The following RBFOX1 variants were observed in gnomAD, a reference collection of about 807,000 sequenced individuals.
RBFOX1 encodes RNA binding protein fox-1 homolog 1.
RBFOX1 carries 8 observed loss-of-function variants against 57.7 expected under a neutral mutation model. That is an observed-to-expected ratio of 0.14 (90% CI 0.08 to 0.25). The LOEUF is 0.25. Among genes scored for constraint, RBFOX1 ranks in the 10% least tolerant of loss-of-function variants. The pLI, the probability that RBFOX1 is intolerant of heterozygous loss-of-function variation, is 1.00. For synonymous variants in RBFOX1, 326 were observed against 222.4 expected (o/e 1.47, Z -4.15); for missense variants, 611 against 548.5 (o/e 1.11, Z -1.14).
intron 1 of RBFOX1, among the ~76,000 whole-genome samples, chr16:5,413,404 A>G (rs570802786): frequency 6.6e-6 from 1 of 152,342 alleles, no homozygotes; most frequent in South Asian, 2.1e-4. Flanking sequence ...TGCAGCATCC[A>G]ATACATATCC....
intron 4 of RBFOX1, among the ~76,000 whole-genome samples, chr16:7,268,345 C>T (rs2095227888): frequency 6.6e-6 from 1 of 152,156 alleles, no homozygotes; most frequent in East Asian, 1.9e-4. Flanking sequence ...AACCAAGGAA[C>T]AGGCTGCTGA....
chr16:5,290,356 A>T (rs2063503660), intron 1 of RBFOX1, among the ~76,000 whole-genome samples: 1 of 152,066 alleles, frequency 6.6e-6, no homozygotes, highest in Non-Finnish European at 1.5e-5. Context: ...ACTCTATCTC[A>T]AAAAAAGTAG....
At chr16:6,369,492 T>C (rs118169854) in intron 2 of RBFOX1, among the ~76,000 whole-genome samples, 5,794 of 152,318 alleles carry the variant, frequency 0.038, 146 homozygotes, top group Non-Finnish European at 0.056. Context: ...GAAGAATGGT[T>C]AATTTTGGTG....
intron 4 of RBFOX1, among the ~76,000 whole-genome samples, chr16:5,906,352 A>T (rs1184637424): frequency 6.6e-6 from 1 of 152,226 alleles, no homozygotes; most frequent in African/African-American, 2.4e-5. Flanking sequence ...GTAATGTGAA[A>T]ATAAAAGCAG....
intron 4 of RBFOX1, among the ~76,000 whole-genome samples, chr16:7,216,428 G>A (rs1227761117): frequency 6.6e-6 from 1 of 152,208 alleles, no homozygotes; most frequent in African/African-American, 2.4e-5. Context: ...GCTGAGGGAG[G>A]AGGATTGCTT....
intron 2 of RBFOX1, among the ~76,000 whole-genome samples, chr16:6,593,031 A>C (rs925302097): frequency 7.2e-5 from 11 of 152,122 alleles, no homozygotes; most frequent in African/African-American, 2.4e-4. Context: ...GTCTGTACTA[A>C]AAATACAAAA....
At chr16:6,197,559 T>C (rs2097188146) in intron 1 of RBFOX1, among the ~76,000 whole-genome samples, 1 of 134,852 alleles carries the variant, frequency 7.4e-6, no homozygotes, top group Non-Finnish European at 1.7e-5. Flanking sequence ...GGTGCTTCTG[T>C]TTCCCGCAAA....
chr16:6,992,755 C>A (rs894806927), intron 3 of RBFOX1, among the ~76,000 whole-genome samples: 1 of 149,024 alleles, frequency 6.7e-6, no homozygotes, highest in African/African-American at 2.5e-5. Flanking sequence ...ATGATCTACC[C>A]AAGGTCACTT....
chr16:6,633,732 G>C (rs972568827), intron 2 of RBFOX1, among the ~76,000 whole-genome samples: 3 of 152,196 alleles, frequency 2.0e-5, no homozygotes, highest in African/African-American at 7.2e-5. Flanking sequence ...GCTCTAGCCA[G>C]GCGCTGTAGC....
chr16:7,002,943 A>G (rs938860786), intron 3 of RBFOX1, among the ~76,000 whole-genome samples: 4 of 152,112 alleles, frequency 2.6e-5, no homozygotes, highest in Admixed American at 2.6e-4. Flanking sequence ...AAGTGTAAGA[A>G]TGTAGGAAAG....
intron 2 of RBFOX1, among the ~76,000 whole-genome samples, chr16:6,639,385 C>G (rs1323202555): frequency 6.6e-6 from 1 of 152,156 alleles, no homozygotes; most frequent in Non-Finnish European, 1.5e-5. Context: ...TATCTATCAG[C>G]TTCCCTTCCC....
chr16:7,061,048 G>A (rs943978218), intron 4 of RBFOX1, among the ~76,000 whole-genome samples: 7 of 143,326 alleles, frequency 4.9e-5, no homozygotes, highest in Middle Eastern at 3.6e-3. Context: ...GTACGTGCAC[G>A]TGCACACATA....
chr16:7,683,325 CAG>C (rs1429927537), intron 14 of RBFOX1, among the ~76,000 whole-genome samples: 1 of 151,572 alleles, frequency 6.6e-6, no homozygotes, highest in Non-Finnish European at 1.5e-5. Flanking sequence ...CACACACACA[CAG>C]AGACAGACAG....
intron 3 of RBFOX1, among the ~76,000 whole-genome samples, chr16:6,811,778 A>G (rs901494420): frequency 3.9e-5 from 6 of 152,160 alleles, no homozygotes; most frequent in Non-Finnish European, 8.8e-5. Flanking sequence ...AATCCCAACT[A>G]CTGGGGAGGC....
intron 14 of RBFOX1, among the ~76,000 whole-genome samples, chr16:7,703,825 A>G (rs1377019477): frequency 2.6e-5 from 4 of 152,228 alleles, no homozygotes; most frequent in Non-Finnish European, 4.4e-5. Flanking sequence ...TCTGTAACTC[A>G]TAAATTAGAT....
chr16:7,482,123 C>G (rs73500380), intron 4 of RBFOX1, among the ~76,000 whole-genome samples: 3,059 of 152,292 alleles, frequency 0.02, 96 homozygotes, highest in African/African-American at 0.07. Flanking sequence ...AGTCCTCCTG[C>G]TCTATAGTCA....
intron 2 of RBFOX1, among the ~76,000 whole-genome samples, chr16:6,398,927 T>G (rs2092952036): frequency 6.6e-6 from 1 of 152,244 alleles, no homozygotes; most frequent in African/African-American, 2.4e-5. Flanking sequence ...TGCACTGTCC[T>G]AGCAGAGGTT....
intron 3 of RBFOX1, among the ~76,000 whole-genome samples, chr16:6,919,137 G>T (rs1438313790): frequency 6.6e-6 from 1 of 151,964 alleles, no homozygotes; most frequent in Admixed American, 6.6e-5. Flanking sequence ...CTGCCATCGT[G>T]CCTGGCTAGT....
chr16:7,682,375 A>T (rs1362108154), intron 14 of RBFOX1, among the ~76,000 whole-genome samples: 1 of 152,000 alleles, frequency 6.6e-6, no homozygotes, highest in East Asian at 1.9e-4. Context: ...TTCAGAAGGG[A>T]TGGGAGAGTT....
Sources: gnomAD v4.1 joint callset for allele counts (sites outside exome capture counted in the v4.1 genomes callset) on GRCh38, gnomAD v4.1.1 for gene constraint, MANE v1.5 for transcripts, NCBI Gene and HGNC (gene_info 2026-07-23, HGNC 2026-07-21) for gene names.